The following FBXL7 variants were observed in gnomAD, a reference collection of about 807,000 sequenced individuals.
The protein encoded by FBXL7 is F-box/LRR-repeat protein 7.
FBXL7 carries 12 observed loss-of-function variants against 38.3 expected under a neutral mutation model. The observed-to-expected ratio is 0.31, with a 90% CI of 0.20 to 0.51. FBXL7 has a LOEUF of 0.51. FBXL7 is among the 20% of genes least tolerant of loss of function. The pLI is 0.98. For synonymous variants in FBXL7, 297 were observed against 300.9 expected (o/e 0.99, Z 0.13); for missense variants, 567 against 676.4 (o/e 0.84, Z 1.79).
chr5:15,768,774 T>G (rs1313572175), intron 2 of FBXL7, among the ~76,000 whole-genome samples: 4 of 152,176 alleles, frequency 2.6e-5, no homozygotes, highest in Non-Finnish European at 5.9e-5. Flanking sequence ...CCTGCCTCCC[T>G]GTGCACAGTG....
intron 2 of FBXL7, among the ~76,000 whole-genome samples, chr5:15,889,641 C>A (rs1740820809): frequency 6.6e-6 from 1 of 152,128 alleles, no homozygotes; most frequent in African/African-American, 2.4e-5. Context: ...GTGATGTACC[C>A]CATATCAATT....
rs1736326318 is a variant in FBXL7 at position 15,757,441 on chromosome 5, CAA to C, written c.127+141371_127+141372del. ...GCTCTCGAACTTCAGATACTAATCT[CAA>C]AGAGAGTTATGGAGTCCAGAAGACA... On this transcript the variant is annotated intron_variant, in intron 2 of 3. Transcript: ENST00000504595. Among the ~76,000 whole-genome samples the C allele has an allele frequency of 4.6e-5, 7 of 151,438 alleles. No homozygotes were observed. In the South Asian group the frequency reaches 1.5e-3, roughly 32 times the overall value.
intron 1 of FBXL7, among the ~76,000 whole-genome samples, chr5:15,537,950 A>G (rs1480661193): frequency 6.6e-6 from 1 of 152,222 alleles, no homozygotes; most frequent in Non-Finnish European, 1.5e-5. Flanking sequence ...GAGAGCTGTC[A>G]TGAAAGACCC....
At chr5:15,867,570 T>G (rs1308079036) in intron 2 of FBXL7, among the ~76,000 whole-genome samples, 1 of 152,206 alleles carries the variant, frequency 6.6e-6, no homozygotes, top group African/African-American at 2.4e-5. Flanking sequence ...CCAAAGTGTC[T>G]GTATGCCAAT....
intron 1 of FBXL7, among the ~76,000 whole-genome samples, chr5:15,525,338 G>A (rs1313934551): frequency 6.6e-6 from 1 of 152,136 alleles, no homozygotes. Flanking sequence ...GTTTCATATA[G>A]TTATTAATGA....
At chr5:15,827,754 G>T (rs1738354662) in intron 2 of FBXL7, among the ~76,000 whole-genome samples, 2 of 152,168 alleles carry the variant, frequency 1.3e-5, no homozygotes, top group Non-Finnish European at 2.9e-5. Flanking sequence ...CTGTGAGTCT[G>T]GGAAGAGGCA....
chr5:15,505,987 G>C (rs1736635566), intron 1 of FBXL7, among the ~76,000 whole-genome samples: 1 of 152,106 alleles, frequency 6.6e-6, no homozygotes, highest in Non-Finnish European at 1.5e-5. Context: ...ATCATGCATG[G>C]TGGCTCTAAC....
chr5:15,882,387 C>T (rs928182538), intron 2 of FBXL7, among the ~76,000 whole-genome samples: 8 of 152,098 alleles, frequency 5.3e-5, no homozygotes, highest in African/African-American at 1.9e-4. Context: ...AGATGAGTGT[C>T]CCAGCACCTG....
chr5:15,659,947 T>C (rs1212633728), intron 2 of FBXL7, among the ~76,000 whole-genome samples: 1 of 152,266 alleles, frequency 6.6e-6, no homozygotes, highest in African/African-American at 2.4e-5. Context: ...TATTTCTTTA[T>C]CGTTTACATT....
chr5:15,676,213 G>C (rs868472657), intron 2 of FBXL7, among the ~76,000 whole-genome samples: 299 of 152,180 alleles, frequency 2.0e-3, no homozygotes, highest in Non-Finnish European at 2.5e-3. Context: ...TATCCGGGGG[G>C]CCCTTTTCAG....
At chr5:15,505,716 GA>G (rs1056688847) in intron 1 of FBXL7, among the ~76,000 whole-genome samples, 2 of 152,214 alleles carry the variant, frequency 1.3e-5, no homozygotes, top group African/African-American at 4.8e-5. Flanking sequence ...GAGCCTTACT[GA>G]AAAGTTGGCA....
At chr5:15,549,327 T>G (rs1484501064) in intron 1 of FBXL7, among the ~76,000 whole-genome samples, 1 of 152,138 alleles carries the variant, frequency 6.6e-6, no homozygotes. Flanking sequence ...AAGTATATCT[T>G]GGAGAAGTGA....
At position 15,619,877 on chromosome 5, in the gene FBXL7, T is replaced by G. The variant is rs1255407541; in HGVS notation, c.127+3805T>G. ...AGGTGTATGTATGTGTGCATTTGTGTCTGACATCTACATGGTAGCTAACCA... is the reference window on the plus strand; with the variant it reads ...AGGTGTATGTATGTGTGCATTTGTGGCTGACATCTACATGGTAGCTAACCA... On this transcript the variant is annotated intron_variant, in intron 2 of 3. Coordinates refer to ENST00000504595, the MANE Select transcript of FBXL7 (RefSeq NM_012304.5). 4.6e-5 allele frequency among the ~76,000 whole-genome samples: 7 copies of G among 152,308 alleles called. 1 individual carries two copies. The highest frequency in any genetic ancestry group is 4.6e-4 in the Admixed American group (7 of 15,300).
At chr5:15,717,826 G>T (rs1744085135) in intron 2 of FBXL7, among the ~76,000 whole-genome samples, 1 of 151,912 alleles carries the variant, frequency 6.6e-6, no homozygotes, top group Non-Finnish European at 1.5e-5. Flanking sequence ...AAGAGCCCGG[G>T]GAAATGGTCT....
chr5:15,765,649 T>C (rs909675814), intron 2 of FBXL7, among the ~76,000 whole-genome samples: 1 of 152,102 alleles, frequency 6.6e-6, no homozygotes, highest in Non-Finnish European at 1.5e-5. Context: ...AATGATAAAA[T>C]AGAGAGCTGA....
At chr5:15,744,582 C>G (rs1041473107) in intron 2 of FBXL7, among the ~76,000 whole-genome samples, 10 of 152,218 alleles carry the variant, frequency 6.6e-5, no homozygotes, top group Non-Finnish European at 1.5e-4. Flanking sequence ...ACTTTCCTGT[C>G]TTCTTCTGAG....
chr5:15,517,928 C>CT (rs1306167736), intron 1 of FBXL7, among the ~76,000 whole-genome samples: 2 of 152,184 alleles, frequency 1.3e-5, no homozygotes, highest in Non-Finnish European at 2.9e-5. Context: ...CATGGGTAGA[C>CT]TAGCATTGGC....
At chr5:15,624,402 A>C (rs948611987) in intron 2 of FBXL7, among the ~76,000 whole-genome samples, 2 of 152,346 alleles carry the variant, frequency 1.3e-5, no homozygotes, top group South Asian at 2.1e-4. Flanking sequence ...TGTCCTGAGA[A>C]TCCTCGCCTG....
intron 1 of FBXL7, among the ~76,000 whole-genome samples, chr5:15,575,111 C>T (rs776445067): frequency 1.2e-4 from 19 of 152,098 alleles, no homozygotes; most frequent in Non-Finnish European, 2.5e-4. Flanking sequence ...TCCTAAAATA[C>T]ACAGGACAGC....
Sources: allele counts gnomAD v4.1 joint callset (sites outside exome capture counted in the v4.1 genomes callset), GRCh38; gene constraint gnomAD v4.1.1; transcripts MANE v1.5; gene names NCBI Gene and HGNC (gene_info 2026-07-23, HGNC 2026-07-21).